Variants in ASCC3 observed in about 807,000 individuals in gnomAD.
ASCC3 encodes ASC-1 complex subunit P200.
A neutral mutation model predicts 256.3 loss-of-function variants in ASCC3; 158 were observed. The observed-to-expected ratio is 0.62, with a 90% CI of 0.54 to 0.70. The LOEUF (loss-of-function observed/expected upper bound fraction) is 0.70, where lower values mean the gene tolerates loss of function less well. Ranked by LOEUF, ASCC3 falls within the 30% of genes least tolerant of loss-of-function variation. The probability of loss-of-function intolerance (pLI) is 0.00; values close to 1 mark genes in which losing one functional copy is unlikely to be tolerated. For synonymous variants in ASCC3, 948 were observed against 883.4 expected (o/e 1.07, Z -1.30); for missense variants, 2,259 against 2,626.0 (o/e 0.86, Z 3.05).
chr6:100,801,397 T>G (rs1315888645), intron 5 of ASCC3, among the ~76,000 whole-genome samples: 1 of 152,078 alleles, frequency 6.6e-6, no homozygotes, highest in Non-Finnish European at 1.5e-5. Context: ...CAAAGCACAG[T>G]GCAAATTATT....
At chr6:100,556,193 C>A (rs1456294650) in intron 36 of ASCC3, among the ~76,000 whole-genome samples, 1 of 151,980 alleles carries the variant, frequency 6.6e-6, no homozygotes, top group Non-Finnish European at 1.5e-5. Context: ...GCATTAAAAC[C>A]TTTCTAATGT....
At chr6:100,553,467 G>A (rs1769406288) in intron 36 of ASCC3, among the ~76,000 whole-genome samples, 1 of 152,068 alleles carries the variant, frequency 6.6e-6, no homozygotes, top group Non-Finnish European at 1.5e-5. Context: ...TGAATGGAGG[G>A]CAGCAAGGTC....
At position 100,566,868 on chromosome 6, in the gene ASCC3, A is replaced by G. The variant is rs556514789; in HGVS notation, c.5550+22766T>C. Among the ~76,000 whole-genome samples the G allele has an allele frequency of 3.3e-5, 5 of 152,208 alleles. No individual in the cohort carries two copies. The South Asian group carries it at 8.3e-4, about 25-fold the overall frequency. On this transcript the variant is annotated intron_variant, in intron 36 of 41. Transcript: ENST00000369162. ...GTATTTTCTGTCTCTACTTTCTTAAAATTCATTCTCTCTTGAATCCTCTCA... is the reference window on the plus strand; with the variant it reads ...GTATTTTCTGTCTCTACTTTCTTAAGATTCATTCTCTCTTGAATCCTCTCA...
rs79882256 is a variant in ASCC3 at position 100,692,454 on chromosome 6, C to T, written c.2152-12702G>A. ...GATTATATTTTCAAAAATATATGAG[C>T]TTGAACATCAACTCCAGTTAGAAAC... On this transcript the variant is annotated intron_variant, in intron 13 of 41. Coordinates refer to ENST00000369162, the MANE Select transcript of ASCC3 (RefSeq NM_006828.4). 0.013 allele frequency among the ~76,000 whole-genome samples: 1,930 copies of T among 151,884 alleles called. 96 individuals are homozygous for T. In the East Asian group the frequency reaches 0.15, roughly 11 times the overall value.
Position 100,627,590 on chromosome 6 carries a change from C to A in ASCC3, c.4642G>T (p.Ala1548Ser). 1 of 1,613,200 alleles carries A rather than the reference C, an allele frequency of 6.2e-7. No individual in the cohort carries two copies. The highest frequency in any genetic ancestry group is 8.5e-7 in the Non-Finnish European group (1 of 1,179,566). The change falls in exon 29 of 42, where the codon GCA (alanine) becomes TCA (serine). Residue 1548 changes from alanine to serine, a missense_variant and splice_region_variant. Coordinates refer to ENST00000369162, the MANE Select transcript of ASCC3 (RefSeq NM_006828.4). The part of the protein sequence containing the change: ...MASMNKPAFQ[A>S]IRSHSPAKPV... ...TTTATTCCAAGAATCTGAAGCTTAC[C>A]CTGAAATGCAGGCTTGTTCATACTA...
At chr6:100,839,479 C>T (rs1393177049) in intron 4 of ASCC3, among the ~76,000 whole-genome samples, 3 of 152,042 alleles carry the variant, frequency 2.0e-5, no homozygotes, top group African/African-American at 7.2e-5. Flanking sequence ...TCATTGTGAG[C>T]TTAATATATT....
Position 100,647,471 on chromosome 6 carries a change from G to C in ASCC3, c.3253-20C>G, listed in dbSNP as rs1238728000. 1 of 1,594,072 alleles carries C rather than the reference G, an allele frequency of 6.3e-7. No individual in the cohort carries two copies. The highest frequency in any genetic ancestry group is 1.7e-5 in the Admixed American group (1 of 59,978). On this transcript the variant is annotated intron_variant, in intron 20 of 41. Coordinates refer to ENST00000369162, the MANE Select transcript of ASCC3 (RefSeq NM_006828.4). Reference sequence around the variant, plus strand: ...TGCATTCTAAAAAATTATAGGAGGAGATTGGTGGTTATACCCAATGTGCTT... The same window carrying C: ...TGCATTCTAAAAAATTATAGGAGGACATTGGTGGTTATACCCAATGTGCTT...
chr6:100,842,295 T>C (rs965043392), intron 4 of ASCC3, among the ~76,000 whole-genome samples: 27 of 152,172 alleles, frequency 1.8e-4, no homozygotes, highest in African/African-American at 6.0e-4. Context: ...CTTTATCAAA[T>C]TGTAATACAC....
chr6:100,832,603 A>T (rs1771675784), intron 4 of ASCC3, among the ~76,000 whole-genome samples: 1 of 152,144 alleles, frequency 6.6e-6, no homozygotes, highest in East Asian at 1.9e-4. Flanking sequence ...TCTCAAAAAT[A>T]GTAAGATGGA....
chr6:100,551,965 A>T (rs1040272872), intron 36 of ASCC3, among the ~76,000 whole-genome samples: 1 of 151,764 alleles, frequency 6.6e-6, no homozygotes, highest in Non-Finnish European at 1.5e-5. Context: ...GGGAATTGAT[A>T]CAATAGGTGA....
intron 10 of ASCC3, among the ~76,000 whole-genome samples, chr6:100,728,227 C>G (rs1442372111): frequency 6.6e-6 from 1 of 150,818 alleles, no homozygotes. Flanking sequence ...AATAAAAAAA[C>G]ACAAAAAAGA....
intron 36 of ASCC3, among the ~76,000 whole-genome samples, chr6:100,580,329 A>G (rs1332803934): frequency 3.9e-5 from 6 of 152,076 alleles, no homozygotes; most frequent in Non-Finnish European, 8.8e-5. Context: ...TCTCTAAAGG[A>G]AGAAAAGGTC....
intron 3 of ASCC3, among the ~76,000 whole-genome samples, chr6:100,849,597 A>G (rs555675551): frequency 1.9e-4 from 29 of 152,288 alleles, no homozygotes; most frequent in African/African-American, 7.0e-4. Flanking sequence ...GGCTAGAAGT[A>G]AATATAAGAA....
chr6:100,756,670 C>T (rs924787625), intron 10 of ASCC3, among the ~76,000 whole-genome samples: 1 of 152,042 alleles, frequency 6.6e-6, no homozygotes, highest in Admixed American at 6.6e-5. Flanking sequence ...CTGGGCTTCT[C>T]TCAAAGTTTT....
intron 37 of ASCC3, among the ~76,000 whole-genome samples, chr6:100,534,501 T>C (rs1775069011): frequency 6.6e-6 from 1 of 152,184 alleles, no homozygotes; most frequent in Non-Finnish European, 1.5e-5. Flanking sequence ...CAAATACATT[T>C]TGCAGTTAAT....
chr6:100,573,012 A>AG (rs1770676299), intron 36 of ASCC3, among the ~76,000 whole-genome samples: 1 of 152,140 alleles, frequency 6.6e-6, no homozygotes, highest in Admixed American at 6.6e-5. Flanking sequence ...CTCAGCATGA[A>AG]GGGGTATTTT....
chr6:100,560,066 A>C (rs747030761), intron 36 of ASCC3, among the ~76,000 whole-genome samples: 4 of 152,206 alleles, frequency 2.6e-5, no homozygotes, highest in African/African-American at 9.6e-5. Flanking sequence ...ACACCTGTCA[A>C]TCAAATAGCT....
Position 100,601,853 on chromosome 6 carries a change from T to C in ASCC3, c.5260A>G (p.Ile1754Val). ...ITSKQDALDY[I>V]TWTYFFRRLI... ...CGTCGGAAAAAGTAAGTCCAGGTGATATAATCCAATGCATCTTGCTTAGAT... is the reference window on the plus strand; with the variant it reads ...CGTCGGAAAAAGTAAGTCCAGGTGACATAATCCAATGCATCTTGCTTAGAT... Residue 1754 changes from isoleucine to valine, a missense_variant, in exon 34 of 42, where the codon ATC becomes GTC. Ile to Val is a conservative substitution (Grantham distance 29, BLOSUM62 3). Around this residue, in one of 2 missense-constraint regions of ASCC3, gnomAD observed 1,839 missense variants for 2,206.7 expected, o/e 0.83. Transcript: ENST00000369162. 6.2e-7 allele frequency: 1 copy of C among 1,612,718 alleles called. No homozygotes were observed. Among genetic ancestry groups the C allele is most frequent in the Non-Finnish European group, 8.5e-7 (1 of 1,179,000 alleles).
intron 10 of ASCC3, among the ~76,000 whole-genome samples, chr6:100,730,873 C>G (rs1018656865): frequency 2.0e-5 from 3 of 152,120 alleles, no homozygotes; most frequent in African/African-American, 7.2e-5. Context: ...CACGAATGCA[C>G]GCTCACACAC....
Sources: allele counts gnomAD v4.1 joint callset (sites outside exome capture counted in the v4.1 genomes callset), GRCh38; gene constraint gnomAD v4.1.1; regional missense constraint gnomAD v4.1.1; transcripts MANE v1.5; gene names NCBI Gene and HGNC (gene_info 2026-07-23, HGNC 2026-07-21).